The following FAM131B variants were observed in gnomAD, a reference collection of about 807,000 sequenced individuals.
FAM131B encodes the protein protein FAM131B.
Under a neutral mutation model 42.0 loss-of-function variants are expected in FAM131B, and 19 were observed. The observed-to-expected ratio is 0.45, with a 90% CI of 0.32 to 0.66. The LOEUF is 0.66. Among genes scored for constraint, FAM131B ranks in the 30% least tolerant of loss-of-function variants. The pLI, the probability that FAM131B is intolerant of heterozygous loss-of-function variation, is 0.05. For missense variants in FAM131B, 370 were observed against 468.4 expected, an observed-to-expected ratio of 0.79 and a Z score of 1.94; for synonymous variants, 183 against 177.6, an observed-to-expected ratio of 1.03 and a Z score of -0.24.
chr7:143,380,755 G>T, the FAM131B span: 869 of 985,372 alleles, frequency 8.8e-4, 9 homozygotes, highest in African/African-American at 0.014. The surrounding 1 kb of genome is among the most constrained non-coding windows in gnomAD (Gnocchi z 5.0). Flanking sequence ...GTGCTGGGAG[G>T]GAGAACGCCC....
chr7:143,368,911 A>G, the FAM131B span, among the ~76,000 whole-genome samples: 1 of 152,314 alleles, frequency 6.6e-6, no homozygotes, highest in African/African-American at 2.4e-5. Flanking sequence ...TTCCTAAATA[A>G]TGTGTTTAAT....
At chr7:143,381,366 C>A in the FAM131B span, 25 of 1,162,210 alleles carry the variant, frequency 2.2e-5, no homozygotes, top group Non-Finnish European at 2.5e-5. Flanking sequence ...GGACCCGGCG[C>A]CGAGGCGGCC....
the FAM131B span, chr7:143,381,731 C>T: frequency 1.9e-6 from 3 of 1,598,942 alleles, no homozygotes; most frequent in East Asian, 2.3e-5. Flanking sequence ...CGGGGCCCAG[C>T]GCGCACAGAT....
chr7:143,371,163 G>C, the FAM131B span, among the ~76,000 whole-genome samples: 1 of 152,060 alleles, frequency 6.6e-6, no homozygotes, highest in African/African-American at 2.4e-5. Flanking sequence ...TAGGTTCTAC[G>C]ATCCAAAACT....
At chr7:143,381,672 C>T in the FAM131B span, 1 of 1,611,540 alleles carries the variant, frequency 6.2e-7, no homozygotes, top group Non-Finnish European at 8.5e-7. Context: ...GCCCCAAAGC[C>T]CAAAGTGAAT....
chr7:143,372,534 T>C, the FAM131B span, among the ~76,000 whole-genome samples: 3 of 152,218 alleles, frequency 2.0e-5, no homozygotes, highest in Admixed American at 6.5e-5. Flanking sequence ...TGCTATGCAA[T>C]GTGGGAGCCA....
At position 143,359,282 on chromosome 7, in the gene FAM131B, C is replaced by T. The variant is rs1803835185; in HGVS notation, c.268+44G>A. On this transcript the variant is annotated intron_variant, in intron 4 of 6. Coordinates refer to ENST00000443739, the MANE Select transcript of FAM131B (RefSeq NM_001031690.3). The surrounding 1 kb of genome is among the most constrained non-coding windows in gnomAD (Gnocchi z 5.4). ...AGGGAGACTGAGCCAAGGAGTCTGT[C>T]AGCATTATTTTGTCTGAAGGCATTC... The T allele has an allele frequency of 2.7e-6, 4 of 1,459,972 alleles. No individual in the cohort carries two copies. The highest frequency in any genetic ancestry group is 2.8e-5 in the African/African-American group (2 of 71,914). 90.4% of individuals were successfully genotyped at this position (1,459,972 alleles called of 1,614,324 possible).
In FAM131B at chr7:143,358,819, A is replaced by G. The variant is rs1803810779; in HGVS notation, c.466+8T>C. 1 of 1,612,914 alleles carries G rather than the reference A, an allele frequency of 6.2e-7. No individual in the cohort carries two copies. The highest frequency in any genetic ancestry group is 1.3e-5 in the African/African-American group (1 of 74,904). ...AATGTGTCTCTTGAGGCTTTAGGGT[A>G]CCTGTACCTGCTAGAAAACGTGCCT... On this transcript the variant is annotated splice_region_variant and intron_variant, in intron 5 of 6. Coordinates refer to ENST00000443739, the MANE Select transcript of FAM131B (RefSeq NM_001031690.3). This position sits in a 1 kb window ranked among gnomAD's most constrained non-coding sequence, Gnocchi z 4.7.
chr7:143,371,107 T>C, the FAM131B span, among the ~76,000 whole-genome samples: 15 of 152,294 alleles, frequency 9.8e-5, no homozygotes, highest in South Asian at 2.9e-3. Context: ...CATTCCATAT[T>C]ACAGGTATTT....
the FAM131B span, among the ~76,000 whole-genome samples, chr7:143,372,480 A>G: frequency 6.6e-6 from 1 of 152,240 alleles, no homozygotes; most frequent in African/African-American, 2.4e-5. Flanking sequence ...AGTGTGGCTT[A>G]AAATTAGGAT....
the FAM131B span, among the ~76,000 whole-genome samples, chr7:143,375,675 C>T: frequency 6.6e-6 from 1 of 152,204 alleles, no homozygotes; most frequent in Admixed American, 6.5e-5. Context: ...ACAACTAGTA[C>T]TTGTCACCTC....
the FAM131B span, chr7:143,381,392 C>T: frequency 8.4e-7 from 1 of 1,188,170 alleles, no homozygotes; most frequent in Non-Finnish European, 1.0e-6. Flanking sequence ...AGACGCGGCG[C>T]GCACGCTCCG....
upstream of FAM131B, among the ~76,000 whole-genome samples, chr7:143,366,431 C>T (rs1418897477): frequency 2.6e-5 from 4 of 152,210 alleles, no homozygotes; most frequent in East Asian, 7.7e-4. Flanking sequence ...TTGGGGCACT[C>T]CTAGTGGTTC....
At position 143,359,875 on chromosome 7, in the gene FAM131B, T is replaced by C; in HGVS notation, c.139-108A>G. 1 of 1,162,500 alleles carries C rather than the reference T, an allele frequency of 8.6e-7. No homozygotes were observed. The highest frequency in any genetic ancestry group is 1.3e-6 in the Non-Finnish European group (1 of 796,084). 72.0% of individuals were successfully genotyped at this position (1,162,500 alleles called of 1,614,324 possible). ...GGAGTGCGGGATGTGGGGAGGGCTT[T>C]CCTGAGGTTGATGCCGCTAACTGGG... On this transcript the variant is annotated intron_variant, in intron 2 of 6. Transcript: ENST00000443739. This position sits in a 1 kb window ranked among gnomAD's most constrained non-coding sequence, Gnocchi z 5.4.
the FAM131B span, among the ~76,000 whole-genome samples, chr7:143,371,649 A>AC: frequency 1.3e-5 from 2 of 151,900 alleles, no homozygotes; most frequent in South Asian, 4.2e-4. Context: ...AAAGAAAAAA[A>AC]GAAAGGAGAG....
the FAM131B span, among the ~76,000 whole-genome samples, chr7:143,375,863 G>A: frequency 6.6e-6 from 1 of 152,216 alleles, no homozygotes; most frequent in African/African-American, 2.4e-5. Flanking sequence ...ACTAGCGGCT[G>A]CCTCGGTGCC....
chr7:143,364,579 G>A (rs1469171071), upstream of FAM131B, among the ~76,000 whole-genome samples: 1 of 152,156 alleles, frequency 6.6e-6, no homozygotes, highest in Non-Finnish European at 1.5e-5. Flanking sequence ...TTATCCAAAT[G>A]ATTTAACATG....
the FAM131B span, chr7:143,381,685 C>T: frequency 1.2e-6 from 2 of 1,609,530 alleles, no homozygotes; most frequent in African/African-American, 1.3e-5. Context: ...AAGTGAATCC[C>T]TTCCGGCCCG....
chr7:143,381,734 G>T, the FAM131B span: 1 of 1,596,384 alleles, frequency 6.3e-7, no homozygotes, highest in Non-Finnish European at 8.5e-7. Flanking sequence ...GGCCCAGCGC[G>T]CACAGATGGG....
Sources: gnomAD v4.1 joint callset for allele counts (sites outside exome capture counted in the v4.1 genomes callset) on GRCh38, gnomAD v4.1.1 for gene constraint, Gnocchi (gnomAD v3.1) non-coding constraint, MANE v1.5 for transcripts, NCBI Gene and HGNC (gene_info 2026-07-23, HGNC 2026-07-21) for gene names.